Variants in GNG12 observed in about 807,000 individuals in gnomAD.
GNG12 encodes guanine nucleotide-binding protein G(I)/G(S)/G(O) subunit gamma-12.
For missense variants in GNG12, 69 were observed against 83.8 expected (o/e 0.82, Z 0.69); for synonymous variants, 28 against 29.7 (o/e 0.94, Z 0.19).
At chr1:67,725,212 G>C (rs141276202) in intron 2 of GNG12, among the ~76,000 whole-genome samples, 130 of 152,244 alleles carry the variant, frequency 8.5e-4, no homozygotes, top group African/African-American at 3.0e-3. Flanking sequence ...GCATGAAAAA[G>C]GAAAGGCCCA....
In GNG12 at chr1:67,833,434, C is replaced by T. The variant is rs998332062; in HGVS notation, c.-167G>A. 28 of 985,434 alleles carry T rather than the reference C, an allele frequency of 2.8e-5. No homozygotes were observed. Among genetic ancestry groups the T allele is most frequent in the Non-Finnish European group, 3.4e-5 (28 of 830,140 alleles). 61.0% of individuals were successfully genotyped at this position (985,434 alleles called of 1,614,324 possible). A position where few individuals can be genotyped will look rare whatever the true frequency, so the allele number is the denominator to read the frequency against. Reference sequence around the variant, plus strand: ...GCTCCGACCTCTCCTCCTCCTCCTCCTCTTGCTCCTCCGGGCGCCGGCTCC... The same window carrying T: ...GCTCCGACCTCTCCTCCTCCTCCTCTTCTTGCTCCTCCGGGCGCCGGCTCC... On this transcript the variant is annotated 5_prime_UTR_variant, in exon 1 of 4. Transcript: ENST00000370982.
At chr1:67,793,911 C>G (rs1188974552) in intron 1 of GNG12, among the ~76,000 whole-genome samples, 3 of 152,180 alleles carry the variant, frequency 2.0e-5, no homozygotes, top group Non-Finnish European at 4.4e-5. Flanking sequence ...TTTTTAGAGG[C>G]CCACCACTTG....
intron 1 of GNG12, among the ~76,000 whole-genome samples, chr1:67,800,850 A>C (rs1484118748): frequency 6.6e-6 from 1 of 152,228 alleles, no homozygotes; most frequent in East Asian, 1.9e-4. Flanking sequence ...GAACTCCTTG[A>C]AAGGATCATG....
chr1:67,827,841 G>A (rs932508102), intron 1 of GNG12, among the ~76,000 whole-genome samples: 1 of 152,128 alleles, frequency 6.6e-6, no homozygotes, highest in Non-Finnish European at 1.5e-5. Context: ...GCACTTTTAC[G>A]ACACCCAATA....
At chr1:67,788,786 C>T (rs543137458) in intron 1 of GNG12, among the ~76,000 whole-genome samples, 5 of 152,188 alleles carry the variant, frequency 3.3e-5, no homozygotes, top group Non-Finnish European at 5.9e-5. Context: ...TCTTACTGTT[C>T]GACAGATTTA....
intron 2 of GNG12, among the ~76,000 whole-genome samples, chr1:67,722,867 G>C (rs537653607): frequency 1.9e-3 from 294 of 152,282 alleles, no homozygotes; most frequent in Non-Finnish European, 3.4e-3. Flanking sequence ...GGGGTCAGAT[G>C]AAACTGGGTT....
At chr1:67,708,724 C>T (rs1016671425) in intron 2 of GNG12, among the ~76,000 whole-genome samples, 13 of 152,134 alleles carry the variant, frequency 8.5e-5, no homozygotes, top group African/African-American at 2.2e-4. Context: ...TGAAGGAAAA[C>T]GCAGGGCTGG....
chr1:67,824,072 G>A (rs2490309), intron 1 of GNG12, among the ~76,000 whole-genome samples: 44,046 of 152,090 alleles, frequency 0.29, 6,515 homozygotes, highest in Admixed American at 0.35. Context: ...GAGAAGGGGG[G>A]AGAATTAAAA....
intron 2 of GNG12, among the ~76,000 whole-genome samples, chr1:67,776,284 C>T (rs1646704850): frequency 1.3e-5 from 2 of 152,142 alleles, no homozygotes; most frequent in Admixed American, 1.3e-4. Context: ...CTCTCACACT[C>T]CATGCTCTTC....
At chr1:67,776,599 G>A (rs1292211715) in intron 2 of GNG12, among the ~76,000 whole-genome samples, 3 of 152,100 alleles carry the variant, frequency 2.0e-5, no homozygotes, top group Admixed American at 6.6e-5. Flanking sequence ...ACATGGCTTA[G>A]TCATCATTAT....
At chr1:67,821,713 G>C (rs773909322) in intron 1 of GNG12, among the ~76,000 whole-genome samples, 2 of 151,840 alleles carry the variant, frequency 1.3e-5, no homozygotes, top group African/African-American at 2.4e-5. Flanking sequence ...TTGTTATAGC[G>C]GCCATAGAAA....
intron 1 of GNG12, among the ~76,000 whole-genome samples, chr1:67,784,470 A>T (rs1407766746): frequency 6.6e-6 from 1 of 152,000 alleles, no homozygotes; most frequent in African/African-American, 2.4e-5. Flanking sequence ...TAATAAAAAA[A>T]TTAAAAAAAT....
intron 1 of GNG12, among the ~76,000 whole-genome samples, chr1:67,819,581 T>C (rs751368308): frequency 1.3e-5 from 2 of 152,214 alleles, no homozygotes; most frequent in Non-Finnish European, 2.9e-5. Flanking sequence ...GCCACACTCA[T>C]TACAGCTTAT....
In GNG12 at chr1:67,703,193, T is replaced by C. The variant is rs776427127; in HGVS notation, c.*2258A>G. On this transcript the variant is annotated 3_prime_UTR_variant, in exon 4 of 4. Coordinates refer to ENST00000370982, the MANE Select transcript of GNG12 (RefSeq NM_018841.6). Reference sequence around the variant, plus strand: ...TTAGGAAGTTATGTATTTATACTCATAGCCTTTATTGTATCTGACCAGGGT... The same window carrying C: ...TTAGGAAGTTATGTATTTATACTCACAGCCTTTATTGTATCTGACCAGGGT... 4 of 152,208 alleles carry C rather than the reference T, an allele frequency of 2.6e-5. No individual in the cohort carries two copies. Among genetic ancestry groups the C allele is most frequent in the Non-Finnish European group, 4.4e-5 (3 of 68,026 alleles). The allele number at this position is 152,208 out of a possible 1,614,324, so 9.4% of individuals were successfully genotyped here. A position where few individuals can be genotyped will look rare whatever the true frequency, so the allele number is the denominator to read the frequency against.
intron 2 of GNG12, among the ~76,000 whole-genome samples, chr1:67,721,090 A>G (rs547836209): frequency 1.6e-4 from 25 of 152,282 alleles, no homozygotes; most frequent in African/African-American, 6.0e-4. Flanking sequence ...TCCCTCAGAA[A>G]GCTTCTGAGC....
chr1:67,714,854 A>G (rs1646315964), intron 2 of GNG12, among the ~76,000 whole-genome samples: 1 of 152,218 alleles, frequency 6.6e-6, no homozygotes, highest in Non-Finnish European at 1.5e-5. Flanking sequence ...TGAGAACGAG[A>G]AATTTGGACA....
rs143742440 is a variant in GNG12 at position 67,824,200 on chromosome 1, G to T, written c.-77+9144C>A. ...TTGAATTTGAAAACTTTTGATTTTT[G>T]TGAATTTGCTATTTAAAGAAATCCT... On this transcript the variant is annotated intron_variant, in intron 1 of 3. Transcript: ENST00000370982. 4.0e-4 allele frequency among the ~76,000 whole-genome samples: 61 copies of T among 152,238 alleles called. 1 individual carries two copies. The highest frequency in any genetic ancestry group is 1.3e-3 in the African/African-American group (56 of 41,548).
At chr1:67,796,782 G>A (rs1396880100) in intron 1 of GNG12, among the ~76,000 whole-genome samples, 1 of 151,830 alleles carries the variant, frequency 6.6e-6, no homozygotes, top group Non-Finnish European at 1.5e-5. Context: ...TAATACTTGA[G>A]GCTGGATAAT....
chr1:67,754,330 T>C (rs1646555631), intron 2 of GNG12, among the ~76,000 whole-genome samples: 1 of 152,152 alleles, frequency 6.6e-6, no homozygotes, highest in Non-Finnish European at 1.5e-5. Context: ...CCGCCTATTG[T>C]TGTGGTCTCC....
Sources: allele counts gnomAD v4.1 joint callset (sites outside exome capture counted in the v4.1 genomes callset), GRCh38; gene constraint gnomAD v4.1.1; transcripts MANE v1.5; gene names NCBI Gene and HGNC (gene_info 2026-07-23, HGNC 2026-07-21).